PPIC: variants seen among roughly 807,000 people sequenced by gnomAD.
The protein encoded by PPIC is peptidylprolyl isomerase C, also known as peptidyl-prolyl cis-trans isomerase C.
Under a neutral mutation model 19.5 loss-of-function variants are expected in PPIC, and 19 were observed. The observed-to-expected ratio is 0.98, with a 90% CI of 0.68 to 1.43. PPIC has a LOEUF of 1.43. Ranked by LOEUF, PPIC falls within the 40% of genes most tolerant of loss-of-function variation. The pLI, the probability that PPIC is intolerant of heterozygous loss-of-function variation, is 0.00. For missense variants in PPIC, 268 were observed against 268.6 expected (o/e 1.00, Z 0.02); for synonymous variants, 107 against 101.2 (o/e 1.06, Z -0.34).
intron 3 of PPIC, 94 bp from the exon 4 acceptor site, chr5:123,026,062 A>C (rs1360423688): frequency 1.8e-6 from 2 of 1,082,080 alleles, no homozygotes; most frequent in Non-Finnish European, 2.6e-6. Context: ...AATTACTAGA[A>C]CCCTATAGGA....
At position 123,031,607 on chromosome 5, in the gene PPIC, C is replaced by T. The variant is rs45452993; in HGVS notation, c.118-2189G>A. ...CCAGAAGGCAGAGGAGAGATGCTGA[C>T]GTAAGCATGAGTTTTGTTAGGCAAA... On this transcript the variant is annotated intron_variant, in intron 1 of 4. Coordinates refer to ENST00000306442, the MANE Select transcript of PPIC (RefSeq NM_000943.5). Among the ~76,000 whole-genome samples, 517 of 152,144 alleles carry T rather than the reference C, an allele frequency of 3.4e-3. 3 individuals carry two copies. The highest frequency in any genetic ancestry group is 0.012 in the African/African-American group (492 of 41,478).
At chr5:123,032,736 TGAG>T (rs1762959381) in intron 1 of PPIC, among the ~76,000 whole-genome samples, 1 of 152,174 alleles carries the variant, frequency 6.6e-6, no homozygotes, top group Admixed American at 6.5e-5. Flanking sequence ...TATAATATAA[TGAG>T]AAGTCAGATT....
At chr5:123,028,609 G>T (rs1291567095) in intron 3 of PPIC, 166 bp downstream of exon 3, 3 of 522,084 alleles carry the variant, frequency 5.7e-6, no homozygotes, top group Non-Finnish European at 1.0e-5. Flanking sequence ...CATACCTGTC[G>T]AGATGCTGCT....
At chr5:123,033,553 CT>C (rs1762968733) in intron 1 of PPIC, among the ~76,000 whole-genome samples, 1 of 152,238 alleles carries the variant, frequency 6.6e-6, no homozygotes, top group Non-Finnish European at 1.5e-5. Flanking sequence ...AGTCTTGAAT[CT>C]TACAGCTCAT....
chr5:123,035,357 A>T (rs1360675631), intron 1 of PPIC, among the ~76,000 whole-genome samples: 2 of 152,164 alleles, frequency 1.3e-5, no homozygotes, highest in East Asian at 3.8e-4. Context: ...CCTTGCACAA[A>T]CCATTTCCCA....
At chr5:123,034,982 G>A (rs9784681) in intron 1 of PPIC, among the ~76,000 whole-genome samples, 3,067 of 152,266 alleles carry the variant, frequency 0.02, 113 homozygotes, top group African/African-American at 0.068. Context: ...TCTGACTGCA[G>A]AATAACACTT....
chr5:123,029,280 T>C (rs1404026836), intron 2 of PPIC, 25 bp downstream of exon 2: 7 of 1,614,026 alleles, frequency 4.3e-6, no homozygotes, highest in Non-Finnish European at 5.9e-6. Context: ...AGACCCAATT[T>C]AAAGGAAATA....
rs147078691 is a variant in PPIC, at chr5:123,023,894, A to G, written c.620T>C (p.Val207Ala). ...GKIDVKTPFV[V>A]EIADW ...GTTGTGTCACCAATCAGCGATCTCA[A>G]CCACAAAAGGCGTTTTCACGTCTAT... The change falls in exon 5 of 5, where the codon GTT (valine) becomes GCT (alanine). Residue 207 changes from valine (V) to alanine (A), a missense_variant. Val to Ala is a moderately conservative substitution (Grantham distance 64). Transcript: ENST00000306442. 1.5e-3 allele frequency: 2,490 copies of G among 1,613,606 alleles called. 1 individual carries two copies. The highest frequency in any genetic ancestry group is 2.0e-3 in the Non-Finnish European group (2,304 of 1,179,922).
In PPIC at chr5:123,025,866, C is replaced by T. The variant is rs1217806551; in HGVS notation, c.428G>A (p.Gly143Asp). 1 of 1,614,076 alleles carries T rather than the reference C, an allele frequency of 6.2e-7. No homozygotes were observed. Among genetic ancestry groups the T allele is most frequent in the East Asian group, 2.2e-5 (1 of 44,862 alleles). The change falls in exon 4 of 5, where the codon GGC becomes GAC. Residue 143 changes from glycine (G) to aspartate (D), a missense_variant. By Grantham distance (94) the Gly-to-Asp change is moderately conservative. Coordinates refer to ENST00000306442, the MANE Select transcript of PPIC (RefSeq NM_000943.5). The stretch of plus-strand genomic sequence containing the variant: ...GGTCAAGGTGATAAAGAACTGAGAG[C>T]CATTGGTGTCAGGCCCAGCGTTGGC... ...SMANAGPDTN[G>D]SQFFITLTKP...
Position 123,036,501 on chromosome 5 carries a change from T to A in PPIC, c.117+8A>T. On this transcript the variant is annotated splice_region_variant and intron_variant, in intron 1 of 4. Coordinates refer to ENST00000306442, the MANE Select transcript of PPIC (RefSeq NM_000943.5). This position sits in a 1 kb window ranked among gnomAD's most constrained non-coding sequence, Gnocchi z 4.5. Reference sequence around the variant, plus strand: ...CAGGGGAAGTTGCAGCCCGCCGCTCTCGGTCACCTTGGCCGTCACCGAGGG... The same window carrying A: ...CAGGGGAAGTTGCAGCCCGCCGCTCACGGTCACCTTGGCCGTCACCGAGGG... 1 of 1,603,936 alleles carries A rather than the reference T, an allele frequency of 6.2e-7. No homozygotes were observed. Among genetic ancestry groups the A allele is most frequent in the South Asian group, 1.1e-5 (1 of 90,006 alleles).
At position 123,023,835 on chromosome 5, in the gene PPIC, C is replaced by CAG; in HGVS notation, c.*39_*40insCT. On this transcript the variant is annotated 3_prime_UTR_variant, in exon 5 of 5. Coordinates refer to ENST00000306442, the MANE Select transcript of PPIC (RefSeq NM_000943.5). The stretch of plus-strand genomic sequence containing the variant: ...ACACACACACACACACACACACACA[C>CAG]ACCCCTGCCAAAGCATATCCTTGTT... 1.2e-6 allele frequency: 2 copies of CAG among 1,608,180 alleles called. No individual in the cohort carries two copies. Among genetic ancestry groups the CAG allele is most frequent in the Non-Finnish European group, 1.7e-6 (2 of 1,177,174 alleles).
At chr5:123,029,081 A>G in intron 2 of PPIC, 1 of 919,872 alleles carries the variant, frequency 1.1e-6, no homozygotes, top group Non-Finnish European at 1.6e-6. Context: ...GAATAAGTTA[A>G]AAGAGAGCAA....
Position 123,023,299 on chromosome 5 carries a change from C to T in PPIC, c.*576G>A, listed in dbSNP as rs1762789214. On this transcript the variant is annotated 3_prime_UTR_variant, in exon 5 of 5. Transcript: ENST00000306442. ...GTTTGATTTATAAAATCTTTCTAAT[C>T]TGTTCACTGTTAATGCTAGAGTGTG... 6.6e-6 allele frequency: 1 copy of T among 152,192 alleles called. No individual in the cohort carries two copies. The highest frequency in any genetic ancestry group is 1.5e-5 in the Non-Finnish European group (1 of 68,038). 9.4% of individuals were successfully genotyped at this position (152,192 alleles called of 1,614,324 possible).
intron 3 of PPIC, among the ~76,000 whole-genome samples, chr5:123,026,828 C>A (rs537643931): frequency 6.6e-6 from 1 of 152,326 alleles, no homozygotes; most frequent in South Asian, 2.1e-4. Flanking sequence ...CAAGGGTCTA[C>A]CAGGCCCACC....
At position 123,023,899 on chromosome 5, in the gene PPIC, A is replaced by C; in HGVS notation, c.615T>G (p.Phe205Leu). 6.2e-7 allele frequency: 1 copy of C among 1,613,906 alleles called. No homozygotes were observed. The highest frequency in any genetic ancestry group is 8.5e-7 in the Non-Finnish European group (1 of 1,179,914). Residue 205 changes from phenylalanine (F) to leucine (L), a missense_variant, in exon 5 of 5, where the codon TTT becomes TTG. Transcript: ENST00000306442. Reference sequence around the variant, plus strand: ...GTCACCAATCAGCGATCTCAACCACAAAAGGCGTTTTCACGTCTATCTTGC... The same window carrying C: ...GTCACCAATCAGCGATCTCAACCACCAAAGGCGTTTTCACGTCTATCTTGC... ...NSGKIDVKTP[F>L]VVEIADW is the part of the protein sequence containing the mutation.
At chr5:123,035,587 C>G (rs940870616) in intron 1 of PPIC, among the ~76,000 whole-genome samples, 1 of 152,156 alleles carries the variant, frequency 6.6e-6, no homozygotes, top group Non-Finnish European at 1.5e-5. Context: ...AGTATCGTTT[C>G]CATTGACAAA....
In PPIC at chr5:123,036,634, G is replaced by C. The variant is rs759456366; in HGVS notation, c.-9C>G. 2 of 1,574,322 alleles carry C rather than the reference G, an allele frequency of 1.3e-6. No homozygotes were observed. Among genetic ancestry groups the C allele is most frequent in the Non-Finnish European group, 1.7e-6 (2 of 1,161,398 alleles). ...CGAGGACCCGGGCCCATGGTGAGCG[G>C]TGGCAGCGGCGCTACCGGCACGGGC... On this transcript the variant is annotated 5_prime_UTR_variant, in exon 1 of 5. Transcript: ENST00000306442. The surrounding 1 kb of genome is among the most constrained non-coding windows in gnomAD (Gnocchi z 4.5).
chr5:123,025,469 ACTGAATAATATTC>A (rs1762837716), intron 4 of PPIC, among the ~76,000 whole-genome samples: 1 of 152,146 alleles, frequency 6.6e-6, no homozygotes, highest in Admixed American at 6.5e-5. Context: ...CCTTTTGGAG[ACTGAATAATATTC>A]CATTGTGTGT....
chr5:123,029,807 C>T (rs1269278021), intron 1 of PPIC, among the ~76,000 whole-genome samples: 1 of 152,146 alleles, frequency 6.6e-6, no homozygotes, highest in Admixed American at 6.5e-5. Flanking sequence ...AAATATTGCT[C>T]TCTTAGAAAG....
Sources: gnomAD v4.1 joint callset for allele counts (sites outside exome capture counted in the v4.1 genomes callset) on GRCh38, gnomAD v4.1.1 for gene constraint, Gnocchi (gnomAD v3.1) non-coding constraint, MANE v1.5 for transcripts, NCBI Gene and HGNC (gene_info 2026-07-23, HGNC 2026-07-21) for gene names.